GRM5: variants seen among roughly 807,000 people sequenced by gnomAD.
The protein encoded by GRM5 is metabotropic glutamate receptor 5.
A neutral mutation model predicts 83.1 loss-of-function variants in GRM5; 19 were observed. The observed-to-expected ratio is 0.23, with a 90% CI of 0.16 to 0.34. GRM5 has a LOEUF of 0.34. GRM5 is among the 10% of genes least tolerant of loss of function. The pLI is 1.00. For synonymous variants in GRM5, 675 were observed against 633.6 expected, an observed-to-expected ratio of 1.07 and a Z score of -0.98; for missense variants, 1,160 against 1,588.3, an observed-to-expected ratio of 0.73 and a Z score of 4.58.
At chr11:88,851,805 C>T (rs1944393975) in intron 2 of GRM5, among the ~76,000 whole-genome samples, 1 of 152,132 alleles carries the variant, frequency 6.6e-6, no homozygotes, top group Non-Finnish European at 1.5e-5. Flanking sequence ...TACTGGTGGG[C>T]CAGCTGCATC....
intron 2 of GRM5, among the ~76,000 whole-genome samples, chr11:88,934,556 C>T (rs542984): frequency 0.96 from 145,773 of 151,846 alleles, 70,039 homozygotes; most frequent in East Asian, 0.99. Context: ...GGTAGAAGCA[C>T]GATGAATGCA....
intron 2 of GRM5, among the ~76,000 whole-genome samples, chr11:88,974,962 C>T (rs1033797768): frequency 5.3e-5 from 8 of 152,124 alleles, no homozygotes; most frequent in African/African-American, 1.2e-4. Flanking sequence ...GAATATCAAA[C>T]ACAGAAAGAT....
At chr11:88,526,735 T>C (rs1941887687) in intron 8 of GRM5, among the ~76,000 whole-genome samples, 1 of 152,186 alleles carries the variant, frequency 6.6e-6, no homozygotes, top group Non-Finnish European at 1.5e-5. Context: ...TTAATTTTTT[T>C]TCCCTTCTAA....
At chr11:88,890,522 C>G (rs892216885) in intron 2 of GRM5, among the ~76,000 whole-genome samples, 1 of 152,004 alleles carries the variant, frequency 6.6e-6, no homozygotes, top group African/African-American at 2.4e-5. Flanking sequence ...AAAAATAGTG[C>G]TTAAATCAAA....
At chr11:88,998,016 C>CA (rs150943812) in intron 2 of GRM5, among the ~76,000 whole-genome samples, 14,065 of 135,592 alleles carry the variant, frequency 0.1, 2,157 homozygotes, top group African/African-American at 0.34. Context: ...AAACTAATAA[C>CA]AAAAAAAAAT....
intron 1 of GRM5, among the ~76,000 whole-genome samples, chr11:89,061,239 GCT>G (rs1369608429): frequency 6.6e-6 from 1 of 152,054 alleles, no homozygotes; most frequent in Non-Finnish European, 1.5e-5. Flanking sequence ...TTTGTATATA[GCT>G]CTGTCTTCAT....
intron 7 of GRM5, among the ~76,000 whole-genome samples, chr11:88,588,786 GCAAA>G (rs753056158): frequency 2.6e-5 from 4 of 151,960 alleles, no homozygotes; most frequent in Non-Finnish European, 5.9e-5. Flanking sequence ...TAGCCCATTA[GCAAA>G]CAAAGAGCTG....
intron 3 of GRM5, among the ~76,000 whole-genome samples, chr11:88,831,001 T>A (rs983704833): frequency 1.3e-5 from 2 of 151,850 alleles, no homozygotes. Flanking sequence ...CTGACCCCCA[T>A]GATTCAATTA....
intron 2 of GRM5, among the ~76,000 whole-genome samples, chr11:88,968,258 CA>C (rs1220785933): frequency 2.0e-5 from 3 of 152,026 alleles, no homozygotes; most frequent in Non-Finnish European, 4.4e-5. Context: ...GATGGAGTTA[CA>C]AAAGAGAGAA....
At chr11:88,691,703 T>C (rs1940784477) in intron 3 of GRM5, among the ~76,000 whole-genome samples, 1 of 152,194 alleles carries the variant, frequency 6.6e-6, no homozygotes. Context: ...TTAGGGTTTA[T>C]CCTGAGTTCC....
intron 4 of GRM5, among the ~76,000 whole-genome samples, chr11:88,644,160 A>G (rs1160847128): frequency 6.6e-6 from 1 of 152,192 alleles, no homozygotes; most frequent in African/African-American, 2.4e-5. Flanking sequence ...ATGATTTTGT[A>G]ACGGCAACAG....
chr11:88,606,045 T>C (rs1938133950), intron 4 of GRM5, among the ~76,000 whole-genome samples: 1 of 152,148 alleles, frequency 6.6e-6, no homozygotes, highest in Non-Finnish European at 1.5e-5. Context: ...TTAAGCTAAG[T>C]ATCAATCAGA....
Position 88,508,371 on chromosome 11 carries a change from T to G in GRM5, c.*221A>C. ...ATCAGCCGTGTTTCTTAAAAGCCCA[T>G]GTTTTCTAAGGCCACTAGAAGAAAA... On this transcript the variant is annotated 3_prime_UTR_variant, in exon 10 of 10. Transcript: ENST00000305447. This position sits in a 1 kb window ranked among gnomAD's most constrained non-coding sequence, Gnocchi z 4.2. 1.5e-5 allele frequency: 7 copies of G among 457,406 alleles called. No individual in the cohort carries two copies. Among genetic ancestry groups the G allele is most frequent in the East Asian group, 4.2e-5 (1 of 23,740 alleles). The allele number at this position is 457,406 out of a possible 1,614,324, so 28.3% of individuals were successfully genotyped here.
chr11:89,058,174 G>C (rs529905612), intron 1 of GRM5, among the ~76,000 whole-genome samples: 1 of 152,134 alleles, frequency 6.6e-6, no homozygotes, highest in Non-Finnish European at 1.5e-5. Flanking sequence ...CTTATGTAAC[G>C]TACATAAATT....
intron 2 of GRM5, among the ~76,000 whole-genome samples, chr11:88,991,519 G>A (rs1939970247): frequency 6.6e-6 from 1 of 151,216 alleles, no homozygotes; most frequent in African/African-American, 2.4e-5. Context: ...CTACTTTAAA[G>A]TTCATATGGA....
At chr11:88,846,622 T>G (rs1381638251) in intron 3 of GRM5, among the ~76,000 whole-genome samples, 1 of 152,176 alleles carries the variant, frequency 6.6e-6, no homozygotes, top group Non-Finnish European at 1.5e-5. Context: ...TTGGAGATAT[T>G]TATAAGTAAC....
At chr11:88,692,898 C>T (rs184108718) in intron 3 of GRM5, among the ~76,000 whole-genome samples, 4 of 152,182 alleles carry the variant, frequency 2.6e-5, no homozygotes, top group African/African-American at 9.6e-5. Context: ...TGAGGAGAAA[C>T]AAACAGGCAA....
At chr11:88,782,384 A>G (rs1942990672) in intron 3 of GRM5, among the ~76,000 whole-genome samples, 1 of 152,160 alleles carries the variant, frequency 6.6e-6, no homozygotes, top group South Asian at 2.1e-4. Flanking sequence ...GCAGGCGAAA[A>G]GAGAGCTTGT....
chr11:88,666,813 G>A (rs1940056587), intron 3 of GRM5, among the ~76,000 whole-genome samples: 1 of 152,206 alleles, frequency 6.6e-6, no homozygotes, highest in South Asian at 2.1e-4. Context: ...ATTCTCTCTG[G>A]ATGAACATAC....
Sources: gnomAD v4.1 joint callset for allele counts (sites outside exome capture counted in the v4.1 genomes callset) on GRCh38, gnomAD v4.1.1 for gene constraint, Gnocchi (gnomAD v3.1) non-coding constraint, MANE v1.5 for transcripts, NCBI Gene and HGNC (gene_info 2026-07-23, HGNC 2026-07-21) for gene names.